Variants in PPIF observed in about 807,000 individuals in gnomAD.
The protein encoded by PPIF is peptidylprolyl isomerase F.
PPIF carries 23 observed loss-of-function variants against 20.2 expected under a neutral mutation model. The ratio of observed to expected loss-of-function variants is 1.14; its 90% CI spans 0.82 to 1.61. The LOEUF is 1.61. Among genes scored for constraint, PPIF ranks in the 40% most tolerant of loss-of-function variants. The pLI, the probability that PPIF is intolerant of heterozygous loss-of-function variation, is 0.00. For missense variants in PPIF, 287 were observed against 291.6 expected, an observed-to-expected ratio of 0.98 and a Z score of 0.11; for synonymous variants, 113 against 123.1, an observed-to-expected ratio of 0.92 and a Z score of 0.54.
chr10:79,350,700 G>A (rs140678524), intron 3 of PPIF, among the ~76,000 whole-genome samples: 2 of 152,328 alleles, frequency 1.3e-5, no homozygotes, highest in East Asian at 3.9e-4. Flanking sequence ...GGCACAAGGC[G>A]GTGGCACCGG....
In PPIF at chr10:79,351,384, G is replaced by A. The variant is rs11599161; in HGVS notation, c.316-103G>A. 5,418 of 944,612 alleles carry A rather than the reference G, an allele frequency of 5.7e-3. 25 individuals are homozygous for A. Among genetic ancestry groups the A allele is most frequent in the Non-Finnish European group, 7.5e-3 (4,631 of 620,700 alleles). The allele number at this position is 944,612 out of a possible 1,614,324, so 58.5% of individuals were successfully genotyped here. A position where few individuals can be genotyped will look rare whatever the true frequency, so the allele number is the denominator to read the frequency against. ...TTATTGACCCCTTTACCTGAGGGGC[G>A]CCAACTGGGTGGGCTTGGGTGGGCT... is the stretch of plus-strand genomic sequence containing the variant. On this transcript the variant is annotated intron_variant, in intron 3 of 5. Transcript: ENST00000225174.
At chr10:79,349,908 T>G in intron 3 of PPIF, 155 bp downstream of exon 3, 1 of 1,443,520 alleles carries the variant, frequency 6.9e-7, no homozygotes. Flanking sequence ...TATCCAGGCT[T>G]CACTGCACAT....
chr10:79,347,519 C>T lies in PPIF; in HGVS notation c.-30C>T, dbSNP rs529951834. 5.4e-6 allele frequency: 7 copies of T among 1,287,466 alleles called. No homozygotes were observed. Among genetic ancestry groups the T allele is most frequent in the Non-Finnish European group, 6.8e-6 (7 of 1,022,368 alleles). 79.8% of individuals were successfully genotyped at this position (1,287,466 alleles called of 1,614,324 possible). On this transcript the variant is annotated 5_prime_UTR_variant, in exon 1 of 6. Transcript: ENST00000225174. ...GTCAGTTTGAGTTCTGTGTTCTCCC[C>T]GCCCGTGTCCCGCCCGACCCGCGCC...
intron 3 of PPIF, chr10:79,350,082 T>A: frequency 3.0e-6 from 1 of 338,240 alleles, no homozygotes; most frequent in Non-Finnish European, 5.7e-6. Flanking sequence ...TCTCTGACCT[T>A]GTCCCCTGTG....
chr10:79,350,013 G>A, intron 3 of PPIF: 2 of 642,634 alleles, frequency 3.1e-6, no homozygotes, highest in Middle Eastern at 4.9e-4. Context: ...AGCTGGGTTG[G>A]GAGATGGATG....
At chr10:79,350,265 A>C (rs1855963888) in intron 3 of PPIF, among the ~76,000 whole-genome samples, 1 of 152,120 alleles carries the variant, frequency 6.6e-6, no homozygotes, top group Non-Finnish European at 1.5e-5. Context: ...TGTCATGCTC[A>C]GTTTTCACAA....
At chr10:79,351,738 C>T in intron 4 of PPIF, 155 bp downstream of exon 4, 1 of 649,340 alleles carries the variant, frequency 1.5e-6, no homozygotes, top group Middle Eastern at 3.7e-4. Context: ...GCATTTCTGG[C>T]TTGTTGAGTT....
intron 5 of PPIF, among the ~76,000 whole-genome samples, chr10:79,352,596 A>G (rs776274409): frequency 1.2e-4 from 19 of 152,224 alleles, no homozygotes; most frequent in Admixed American, 7.2e-4. Flanking sequence ...CAACTCTGTC[A>G]TGGTTCGGGT....
In PPIF at chr10:79,347,730, G is replaced by T; in HGVS notation, c.182G>T (p.Arg61Leu). Residue 61 changes from arginine to leucine, a missense_variant, in exon 1 of 6, where the codon CGC becomes CTC. Physicochemically the swap from Arg to Leu is moderately radical, Grantham distance 102. Coordinates refer to ENST00000225174, the MANE Select transcript of PPIF (RefSeq NM_005729.4). ...GACGCCAACGGGAAGCCGCTCGGCC[G>T]CGTGGTGCTGGAGGTGAGACCGCTC... ...DVDANGKPLG[R>L]VVLELKADVV... 7.0e-7 allele frequency: 1 copy of T among 1,425,680 alleles called. No individual in the cohort carries two copies. Among genetic ancestry groups the T allele is most frequent in the Non-Finnish European group, 9.2e-7 (1 of 1,082,912 alleles). The allele number at this position is 1,425,680 out of a possible 1,614,324, so 88.3% of individuals were successfully genotyped here.
At chr10:79,350,163 G>T in intron 3 of PPIF, 1 of 199,182 alleles carries the variant, frequency 5.0e-6, no homozygotes. Flanking sequence ...GAGGAAGACA[G>T]GTCCAGGGCA....
intron 4 of PPIF, chr10:79,351,831 G>A (rs941566920): frequency 7.2e-5 from 33 of 457,294 alleles, no homozygotes; most frequent in Non-Finnish European, 1.2e-4. Flanking sequence ...GCAGAATGGA[G>A]GCCCTGGCCA....
intron 5 of PPIF, 121 bp downstream of exon 5, chr10:79,352,513 C>T: frequency 1.0e-6 from 1 of 968,896 alleles, no homozygotes; most frequent in Non-Finnish European, 1.6e-6. Context: ...CAGTGGCCCT[C>T]TCCCAGGCTG....
Position 79,347,623 on chromosome 10 carries a change from CG to C in PPIF, c.76del (p.Ala26ArgfsTer41). On this transcript the variant is annotated frameshift_variant, in exon 1 of 6. Coordinates refer to ENST00000225174, the MANE Select transcript of PPIF (RefSeq NM_005729.4). LOFTEE classifies it high-confidence loss of function. ...CGCGCTCCGTGCCGCTGCGCCTCCC[CG>C]CGGCCCGCGCCTGCAGCAAGGGCTC... ...VPRSVPLRLPAARACSKGSGD... is the reference protein window; with the variant it reads ...VPRSVPLRLPXARACSKGSGD... 1 of 1,445,890 alleles carries C rather than the reference CG, an allele frequency of 6.9e-7. No individual in the cohort carries two copies. Among genetic ancestry groups the C allele is most frequent in the Non-Finnish European group, 9.1e-7 (1 of 1,095,182 alleles). 89.6% of individuals were successfully genotyped at this position (1,445,890 alleles called of 1,614,324 possible).
chr10:79,351,586 G>A lies in PPIF; in HGVS notation c.412+3G>A, dbSNP rs746505428. 6.2e-7 allele frequency: 1 copy of A among 1,613,358 alleles called. No homozygotes were observed. The highest frequency in any genetic ancestry group is 8.5e-7 in the Non-Finnish European group (1 of 1,179,290). The stretch of plus-strand genomic sequence containing the variant: ...TACACTGAAGCACGTGGGGCCAGGT[G>A]AGTGGGGGCCTCCTCTAGGGTGAGT... On this transcript the variant is annotated splice_donor_region_variant and intron_variant, in intron 4 of 5. Coordinates refer to ENST00000225174, the MANE Select transcript of PPIF (RefSeq NM_005729.4).
At position 79,347,554 on chromosome 10, in the gene PPIF, G is replaced by GGCGCT; in HGVS notation, c.15_19dup (p.Gly7AlafsTer62). 2.3e-5 allele frequency: 30 copies of GGCGCT among 1,319,034 alleles called. No individual in the cohort carries two copies. The highest frequency in any genetic ancestry group is 2.9e-5 in the Non-Finnish European group (30 of 1,038,574). 81.7% of individuals were successfully genotyped at this position (1,319,034 alleles called of 1,614,324 possible). A position where few individuals can be genotyped will look rare whatever the true frequency, so the allele number is the denominator to read the frequency against. ...CCGCCCGACCCGCGCCCGCGATGCT[G>GGCGCT]GCGCTGCGCTGCGGCTCCCGCTGGC... is the stretch of plus-strand genomic sequence containing the variant. On this transcript the variant is annotated frameshift_variant, in exon 1 of 6. Coordinates refer to ENST00000225174, the MANE Select transcript of PPIF (RefSeq NM_005729.4). LOFTEE classifies it high-confidence loss of function.
intron 1 of PPIF, among the ~76,000 whole-genome samples, chr10:79,348,595 C>T (rs1241916642): frequency 6.6e-6 from 1 of 152,116 alleles, no homozygotes; most frequent in Non-Finnish European, 1.5e-5. Context: ...TTCCTGCTTC[C>T]ATTTGGTTCC....
Position 79,351,438 on chromosome 10 carries a change from C to T in PPIF, c.316-49C>T, listed in dbSNP as rs755109323. 8 of 1,590,076 alleles carry T rather than the reference C, an allele frequency of 5.0e-6. No individual in the cohort carries two copies. The East Asian group carries it at 1.3e-4, about 27-fold the overall frequency. On this transcript the variant is annotated intron_variant, in intron 3 of 5. Coordinates refer to ENST00000225174, the MANE Select transcript of PPIF (RefSeq NM_005729.4). ...GCTGCTGCCAGCGCCAGGGCCGTGG[C>T]CCCCGCCTGCTCCATGGTAGCCACT...
intron 2 of PPIF, 58 bp from the exon 3 acceptor site, chr10:79,349,607 G>A: frequency 6.2e-7 from 1 of 1,608,060 alleles, no homozygotes; most frequent in South Asian, 1.1e-5. Context: ...GCTGGAACGG[G>A]TATGACCCTG....
Position 79,349,112 on chromosome 10 carries a change from A to C in PPIF, c.226+6A>C. ...TGTCGTCCCAAAGACAGCTGGTAAG[A>C]CAGGGCCTGGGGCCTTCTGAGATGG... On this transcript the variant is annotated splice_donor_region_variant and intron_variant, in intron 2 of 5. Coordinates refer to ENST00000225174, the MANE Select transcript of PPIF (RefSeq NM_005729.4). 1 of 1,613,942 alleles carries C rather than the reference A, an allele frequency of 6.2e-7. No individual in the cohort carries two copies. The highest frequency in any genetic ancestry group is 1.7e-4 in the Middle Eastern group (1 of 6,060).
Sources: gnomAD v4.1 joint callset for allele counts (sites outside exome capture counted in the v4.1 genomes callset) on GRCh38, gnomAD v4.1.1 for gene constraint, MANE v1.5 for transcripts, NCBI Gene and HGNC (gene_info 2026-07-23, HGNC 2026-07-21) for gene names.